The following SLC22A9 variants were observed in gnomAD, a reference collection of about 807,000 sequenced individuals.
SLC22A9 encodes the protein solute carrier family 22 member 9.
A neutral mutation model predicts 50.1 loss-of-function variants in SLC22A9; 64 were observed. That is an observed-to-expected ratio of 1.28 (90% confidence interval 1.04 to 1.57). The LOEUF (loss-of-function observed/expected upper bound fraction) is 1.57. Ranked by LOEUF, SLC22A9 falls within the 40% of genes most tolerant of loss-of-function variation. SLC22A9 has a pLI of 0.00. For synonymous variants in SLC22A9, 261 were observed against 242.5 expected, an observed-to-expected ratio of 1.08 and a Z score of -0.71; for missense variants, 757 against 676.1, an observed-to-expected ratio of 1.12 and a Z score of -1.33.
intron 8 of SLC22A9, 53 bp downstream of exon 8, chr11:63,408,273 A>C: frequency 1.4e-6 from 2 of 1,389,704 alleles, no homozygotes; most frequent in Non-Finnish European, 2.0e-6. Flanking sequence ...TTTCTCAGAT[A>C]ATTGACACTT....
chr11:63,407,877 G>A (rs2015067023), intron 7 of SLC22A9, among the ~76,000 whole-genome samples: 1 of 152,210 alleles, frequency 6.6e-6, no homozygotes, highest in Admixed American at 6.6e-5. Context: ...CTGATATATA[G>A]TGAGAAGTGA....
chr11:63,383,693 A>G (rs1467491169), intron 6 of SLC22A9, among the ~76,000 whole-genome samples: 1 of 152,204 alleles, frequency 6.6e-6, no homozygotes, highest in Non-Finnish European at 1.5e-5. Flanking sequence ...AGAGAGGTAT[A>G]TGAATAAAGT....
intron 6 of SLC22A9, 27 bp from the exon 7 acceptor site, chr11:63,406,470 T>C (rs973319519): frequency 1.3e-6 from 2 of 1,590,482 alleles, no homozygotes; most frequent in Admixed American, 1.7e-5. Flanking sequence ...GATTATAATA[T>C]GTTTCTTTCC....
intron 1 of SLC22A9, 137 bp from the exon 2 acceptor site, chr11:63,370,998 A>T: frequency 1.7e-6 from 1 of 590,970 alleles, no homozygotes; most frequent in African/African-American, 1.9e-5. Context: ...AACAAAGGTC[A>T]GGTAATGCTG....
At chr11:63,400,734 C>G (rs190335482) in intron 6 of SLC22A9, among the ~76,000 whole-genome samples, 1 of 152,106 alleles carries the variant, frequency 6.6e-6, no homozygotes, top group African/African-American at 2.4e-5. Context: ...CACTGATGAA[C>G]ATAGATGTAA....
chr11:63,407,893 T>C (rs572972799), intron 7 of SLC22A9, among the ~76,000 whole-genome samples: 10 of 152,350 alleles, frequency 6.6e-5, no homozygotes, highest in African/African-American at 2.2e-4. Context: ...AGTGAAGTAA[T>C]AGCTCAGATC....
intron 7 of SLC22A9, 80 bp downstream of exon 7, chr11:63,406,791 G>A (rs988414189): frequency 1.4e-6 from 2 of 1,438,294 alleles, no homozygotes; most frequent in African/African-American, 1.4e-5. Context: ...CCTATCTGAA[G>A]CCAAGAAGGA....
chr11:63,388,278 A>G (rs915740712), intron 6 of SLC22A9, among the ~76,000 whole-genome samples: 11 of 151,466 alleles, frequency 7.3e-5, no homozygotes, highest in African/African-American at 2.2e-4. Context: ...TTTTTTCTCC[A>G]TTCTGTATGA....
intron 5 of SLC22A9, among the ~76,000 whole-genome samples, chr11:63,376,028 A>G (rs572585224): frequency 5.4e-4 from 82 of 152,220 alleles, no homozygotes; most frequent in Non-Finnish European, 8.8e-4. Context: ...TATTGTAAAG[A>G]TTTTGCATTG....
At position 63,373,688 on chromosome 11, in the gene SLC22A9, C is replaced by T. The variant is rs560060287; in HGVS notation, c.551C>T (p.Ala184Val). 1.2e-6 allele frequency: 2 copies of T among 1,604,908 alleles called. No individual in the cohort carries two copies. The highest frequency in any genetic ancestry group is 2.2e-5 in the South Asian group (2 of 89,170). ...FVLRWCYLQV[A>V]IVGTCAALAP... Reference sequence around the variant, plus strand: ...CTCAGATGGTGTTACCTCCAGGTTGCCATTGTTGGCACCTGTGCAGCCTTG... The same window carrying T: ...CTCAGATGGTGTTACCTCCAGGTTGTCATTGTTGGCACCTGTGCAGCCTTG... The change falls in exon 3 of 10, where the codon GCC (alanine) becomes GTC (valine). Residue 184 changes from alanine to valine, a missense_variant. Coordinates refer to ENST00000279178, the MANE Select transcript of SLC22A9 (RefSeq NM_080866.3).
chr11:63,375,728 G>A lies in SLC22A9; in HGVS notation c.914G>A (p.Arg305Lys). The A allele has an allele frequency of 6.2e-7, 1 of 1,612,738 alleles. No individual in the cohort carries two copies. Among genetic ancestry groups the A allele is most frequent in the South Asian group, 1.1e-5 (1 of 91,034 alleles). ...AAGGAACTTAGAAAAGCTGCACACA[G>A]GAGTGGAATGAAGAATGCCAGAGAC... ...GLKELRKAAH[R>K]SGMKNARDTL... is the part of the protein sequence containing the mutation. The change falls in exon 5 of 10, where the codon AGG (arginine) becomes AAG (lysine). Residue 305 changes from arginine to lysine, a missense_variant. Coordinates refer to ENST00000279178, the MANE Select transcript of SLC22A9 (RefSeq NM_080866.3).
chr11:63,404,863 C>T (rs2015010110), intron 6 of SLC22A9, among the ~76,000 whole-genome samples: 1 of 152,040 alleles, frequency 6.6e-6, no homozygotes, highest in Non-Finnish European at 1.5e-5. Flanking sequence ...GAAAACCCAG[C>T]CTGAAACAGC....
intron 6 of SLC22A9, among the ~76,000 whole-genome samples, chr11:63,390,062 A>G (rs997833576): frequency 2.0e-5 from 3 of 152,090 alleles, no homozygotes; most frequent in Non-Finnish European, 4.4e-5. Flanking sequence ...TTCCTTGTAC[A>G]TTCTGGATAT....
At chr11:63,399,925 C>G (rs951709295) in intron 6 of SLC22A9, among the ~76,000 whole-genome samples, 2 of 151,882 alleles carry the variant, frequency 1.3e-5, no homozygotes, top group Non-Finnish European at 2.9e-5. Context: ...ACAATATGCT[C>G]CTAAATGACA....
rs71065364 is a variant in SLC22A9 at position 63,386,434 on chromosome 11, C to CT, written c.1073+4191dup. 7.0e-3 allele frequency among the ~76,000 whole-genome samples: 235 copies of CT among 33,500 alleles called. 48 individuals are homozygous for CT. The highest frequency in any genetic ancestry group is 0.011 in the African/African-American group (62 of 5,632). The allele number at this position is 33,500 out of a possible 152,430, so 22.0% of individuals were successfully genotyped here. A position where few individuals can be genotyped will look rare whatever the true frequency, so the allele number is the denominator to read the frequency against. On this transcript the variant is annotated intron_variant, in intron 6 of 9. Coordinates refer to ENST00000279178, the MANE Select transcript of SLC22A9 (RefSeq NM_080866.3). ...AGCTATAAATCCACGTGGACCTGGA[C>CT]TTTTTTTTTTTTTTTTTTTTTTTTT...
At chr11:63,387,468 C>T (rs2014689341) in intron 6 of SLC22A9, among the ~76,000 whole-genome samples, 1 of 151,878 alleles carries the variant, frequency 6.6e-6, no homozygotes, top group Admixed American at 6.6e-5. Context: ...TTGGATTTAC[C>T]TCTGGGTTCT....
chr11:63,398,241 T>C lies in SLC22A9; in HGVS notation c.1074-8256T>C, dbSNP rs78462895. On this transcript the variant is annotated intron_variant, in intron 6 of 9. Transcript: ENST00000279178. ...CTATTCTACTGTGGCTGAAATAGTA[T>C]CCATGTTGCAAGACAAAGTCCTCTT... Among the ~76,000 whole-genome samples the C allele has an allele frequency of 4.0e-3, 606 of 152,204 alleles. 5 individuals are homozygous for C. The highest frequency in any genetic ancestry group is 0.014 in the African/African-American group (583 of 41,510).
rs781382353 is a variant in SLC22A9, at chr11:63,375,774, C to G, written c.954+6C>G. Reference sequence around the variant, plus strand: ...GAGACACCCTAACCCTGGAGGTGAGCTGGATGGGAGCTAGATATGGGATGT... The same window carrying G: ...GAGACACCCTAACCCTGGAGGTGAGGTGGATGGGAGCTAGATATGGGATGT... On this transcript the variant is annotated splice_donor_region_variant and intron_variant, in intron 5 of 9. Transcript: ENST00000279178. 5 of 1,610,540 alleles carry G rather than the reference C, an allele frequency of 3.1e-6. No homozygotes were observed. The East Asian group carries it at 1.1e-4, about 36-fold the overall frequency.
chr11:63,388,644 T>C (rs1311958047), intron 6 of SLC22A9, among the ~76,000 whole-genome samples: 1 of 152,084 alleles, frequency 6.6e-6, no homozygotes, highest in Admixed American at 6.6e-5. Context: ...CTTTTTTTAA[T>C]GTGCCTTTGT....
Sources: allele counts gnomAD v4.1 joint callset (sites outside exome capture counted in the v4.1 genomes callset), GRCh38; gene constraint gnomAD v4.1.1; transcripts MANE v1.5; gene names NCBI Gene and HGNC (gene_info 2026-07-23, HGNC 2026-07-21).